Variants in OTOP1 observed in about 807,000 individuals in gnomAD.
OTOP1 encodes otopetrin 1, also known as proton channel OTOP1.
A neutral mutation model predicts 52.9 loss-of-function variants in OTOP1; 59 were observed. That is an observed-to-expected ratio of 1.12 (90% CI 0.91 to 1.39). The LOEUF (loss-of-function observed/expected upper bound fraction) is 1.39. OTOP1 is among the 40% of genes most tolerant of loss of function. OTOP1 has a pLI of 0.00. For synonymous variants in OTOP1, 317 were observed against 337.7 expected, an observed-to-expected ratio of 0.94 and a Z score of 0.67; for missense variants, 761 against 800.9, an observed-to-expected ratio of 0.95 and a Z score of 0.60.
intron 5 of OTOP1, among the ~76,000 whole-genome samples, chr4:4,191,843 C>T (rs1321024416): frequency 6.6e-6 from 1 of 152,174 alleles, no homozygotes; most frequent in Non-Finnish European, 1.5e-5. Flanking sequence ...GCTGTACCCT[C>T]AACATGCATA....
intron 3 of OTOP1, among the ~76,000 whole-genome samples, chr4:4,204,001 G>C (rs1238757136): frequency 3.9e-5 from 6 of 152,216 alleles, no homozygotes; most frequent in African/African-American, 1.4e-4. Context: ...AGCAGAGCTA[G>C]AGGGATGAAA....
Position 4,197,266 on chromosome 4 carries a change from C to T in OTOP1, c.1568G>A (p.Gly523Glu), listed in dbSNP as rs1716659520. The change falls in exon 5 of 6, where the codon GGG (glycine) becomes GAG (glutamate). Residue 523 changes from glycine to glutamate, a missense_variant. Gly to Glu is a moderately conservative substitution (Grantham distance 98, BLOSUM62 -2). Coordinates refer to ENST00000296358, the MANE Select transcript of OTOP1 (RefSeq NM_177998.3). ...EEKQEESSWG[G>E]SPSPVRLPRF... is the part of the protein sequence containing the mutation. Reference sequence around the variant, plus strand: ...GGGAAGGCGGACTGGGCTTGGGCTCCCTCCCCAGCTGCTCTCCTCCTGCTT... The same window carrying T: ...GGGAAGGCGGACTGGGCTTGGGCTCTCTCCCCAGCTGCTCTCCTCCTGCTT... 6.2e-7 allele frequency: 1 copy of T among 1,614,028 alleles called. No individual in the cohort carries two copies. The highest frequency in any genetic ancestry group is 1.3e-5 in the African/African-American group (1 of 74,894).
chr4:4,197,285 C>T lies in OTOP1; in HGVS notation c.1549G>A (p.Glu517Lys), dbSNP rs764548845. Residue 517 changes from glutamate to lysine, a missense_variant, in exon 5 of 6, where the codon GAG becomes AAG. Coordinates refer to ENST00000296358, the MANE Select transcript of OTOP1 (RefSeq NM_177998.3). The part of the protein sequence containing the change: ...ESHDKEEEKQ[E>K]ESSWGGSPSP... ...GGGCTCCCTCCCCAGCTGCTCTCCT[C>T]CTGCTTCTCCTCCTCCTTGTCATGG... The T allele has an allele frequency of 1.9e-6, 3 of 1,614,146 alleles. No individual in the cohort carries two copies. The highest frequency in any genetic ancestry group is 2.2e-5 in the South Asian group (2 of 91,080).
intron 1 of OTOP1, among the ~76,000 whole-genome samples, chr4:4,213,631 C>T (rs904522619): frequency 3.3e-5 from 5 of 152,072 alleles, no homozygotes; most frequent in East Asian, 3.8e-4. Flanking sequence ...CATACTGTAT[C>T]GTGTGTCAGA....
intron 5 of OTOP1, among the ~76,000 whole-genome samples, chr4:4,194,428 G>A (rs1265986486): frequency 6.6e-6 from 1 of 152,214 alleles, no homozygotes; most frequent in Non-Finnish European, 1.5e-5. Context: ...AGATGGAGAA[G>A]AGGGTCTGCC....
rs1289673660 is a variant in OTOP1, at chr4:4,197,666, CCA to C, written c.1166_1167del (p.Leu389ArgfsTer27). The C allele has an allele frequency of 6.2e-7, 1 of 1,613,562 alleles. No individual in the cohort carries two copies. Among genetic ancestry groups the C allele is most frequent in the Non-Finnish European group, 8.5e-7 (1 of 1,179,994 alleles). On this transcript the variant is annotated frameshift_variant, in exon 5 of 6. Transcript: ENST00000296358. LOFTEE classifies it high-confidence loss of function. ...LDESKNPARK[L>X]DSDLLVGTAS... Reference sequence around the variant, plus strand: ...GCAGTGCCCACCAAGAGGTCCGAGTCCAGTTTGCGGGCCGGATTTTTGGACTC... The same window carrying C: ...GCAGTGCCCACCAAGAGGTCCGAGTCGTTTGCGGGCCGGATTTTTGGACTC...
chr4:4,207,089 T>C (rs934956987), intron 2 of OTOP1, among the ~76,000 whole-genome samples: 3 of 152,198 alleles, frequency 2.0e-5, no homozygotes, highest in African/African-American at 7.2e-5. Context: ...AAAAATAAAA[T>C]ACACTTACAC....
chr4:4,217,708 C>A (rs372625263), intron 1 of OTOP1, among the ~76,000 whole-genome samples: 1 of 152,148 alleles, frequency 6.6e-6, no homozygotes, highest in Non-Finnish European at 1.5e-5. Flanking sequence ...GAAAAGGGAA[C>A]TGAGGTTGAA....
intron 4 of OTOP1, among the ~76,000 whole-genome samples, chr4:4,201,469 T>TACACACACACACACAC (rs564159690): frequency 1.6e-4 from 22 of 137,750 alleles, no homozygotes; most frequent in African/African-American, 5.2e-4. Flanking sequence ...AATATATATA[T>TACACACACACACACAC]ATACACACAC....
intron 1 of OTOP1, among the ~76,000 whole-genome samples, chr4:4,215,254 T>C (rs1172706280): frequency 6.6e-6 from 1 of 152,190 alleles, no homozygotes; most frequent in Non-Finnish European, 1.5e-5. Context: ...CAAAGCCTGG[T>C]CCAATCAACA....
chr4:4,222,939 T>C (rs1560212229), intron 1 of OTOP1, among the ~76,000 whole-genome samples: 1 of 152,046 alleles, frequency 6.6e-6, no homozygotes, highest in African/African-American at 2.4e-5. Context: ...TCTCTCAACA[T>C]CCCCCAGCTC....
intron 2 of OTOP1, among the ~76,000 whole-genome samples, chr4:4,209,078 G>C (rs943209496): frequency 2.0e-5 from 3 of 152,180 alleles, no homozygotes; most frequent in African/African-American, 7.2e-5. Flanking sequence ...CAGTCCTAAA[G>C]AATGTCTAGT....
chr4:4,198,560 A>G (rs9995233), intron 4 of OTOP1, among the ~76,000 whole-genome samples: 34,514 of 152,176 alleles, frequency 0.23, 4,730 homozygotes, highest in South Asian at 0.36. Context: ...GATGATTTAC[A>G]TGTGTGATTT....
chr4:4,195,326 A>G (rs921551093), intron 5 of OTOP1, among the ~76,000 whole-genome samples: 1 of 152,196 alleles, frequency 6.6e-6, no homozygotes, highest in African/African-American at 2.4e-5. Flanking sequence ...TAACCTGGTG[A>G]ACTTCCAGTC....
intron 1 of OTOP1, among the ~76,000 whole-genome samples, chr4:4,225,098 A>T (rs908172546): frequency 1.3e-5 from 2 of 152,208 alleles, no homozygotes; most frequent in African/African-American, 4.8e-5. Context: ...TCTAATGGAG[A>T]TTTAAATTCA....
Position 4,226,785 on chromosome 4 carries a change from G to A in OTOP1, c.80C>T (p.Ala27Val). The A allele has an allele frequency of 1.5e-6, 2 of 1,373,602 alleles. No individual in the cohort carries two copies. The highest frequency in any genetic ancestry group is 1.9e-6 in the Non-Finnish European group (2 of 1,067,520). 85.1% of individuals were successfully genotyped at this position (1,373,602 alleles called of 1,614,324 possible). Residue 27 changes from alanine to valine, a missense_variant, in exon 1 of 6, where the codon GCC becomes GTC. This residue lies in a region of OTOP1 where 73 missense variants were observed against 75.7 expected (regional missense o/e 0.96). Coordinates refer to ENST00000296358, the MANE Select transcript of OTOP1 (RefSeq NM_177998.3). ...ASVAGSSGPA[A>V]CSPPSSSAPR... Reference sequence around the variant, plus strand: ...GGCCGAGGACGAGGGAGGCGAGCAGGCCGCTGGCCCCGACGACCCTGCGAC... The same window carrying A: ...GGCCGAGGACGAGGGAGGCGAGCAGACCGCTGGCCCCGACGACCCTGCGAC...
chr4:4,215,804 A>C (rs1228890602), intron 1 of OTOP1, among the ~76,000 whole-genome samples: 4 of 151,846 alleles, frequency 2.6e-5, no homozygotes, highest in African/African-American at 9.7e-5. Context: ...TTATTTATTT[A>C]TTTATTTGAG....
chr4:4,199,926 T>C (rs768098304), intron 4 of OTOP1, among the ~76,000 whole-genome samples: 42 of 152,154 alleles, frequency 2.8e-4, no homozygotes, highest in Admixed American at 7.9e-4. Context: ...TTTGGAAGCG[T>C]CTCTGATATA....
Position 4,206,112 on chromosome 4 carries a change from G to A in OTOP1, c.559C>T (p.His187Tyr), listed in dbSNP as rs1560207954. 6.2e-7 allele frequency: 1 copy of A among 1,607,464 alleles called. No individual in the cohort carries two copies. The highest frequency in any genetic ancestry group is 1.1e-5 in the South Asian group (1 of 90,764). The change falls in exon 3 of 6, where the codon CAT becomes TAT. Residue 187 changes from histidine to tyrosine, a missense_variant. His to Tyr is a moderately conservative substitution (Grantham distance 83). Around this residue, in one of 3 missense-constraint regions of OTOP1, gnomAD observed 632 missense variants for 619.5 expected, o/e 1.02. Coordinates refer to ENST00000296358, the MANE Select transcript of OTOP1 (RefSeq NM_177998.3). ...AAAGACTGGATAATATCCTTTGCAT[G>A]CCCCCAAAGAAAATATACCTAGATG... ...TLLQVYFLWG[H>Y]AKDIIQSFKT...
Sources: gnomAD v4.1 joint callset for allele counts (sites outside exome capture counted in the v4.1 genomes callset) on GRCh38, gnomAD v4.1.1 for gene constraint, gnomAD v4.1.1 regional missense constraint, MANE v1.5 for transcripts, NCBI Gene and HGNC (gene_info 2026-07-23, HGNC 2026-07-21) for gene names.